The following PRKCA variants were observed in gnomAD, a reference collection of about 807,000 sequenced individuals.
The protein encoded by PRKCA is protein kinase C alpha, also known as protein kinase C alpha type.
In PRKCA, 27 loss-of-function variants were observed where a neutral mutation model predicts 87.0. That is an observed-to-expected ratio of 0.31 (90% CI 0.23 to 0.43). The LOEUF is 0.43. Ranked by LOEUF, PRKCA falls within the 20% of genes least tolerant of loss-of-function variation. The pLI, the probability that PRKCA is intolerant of heterozygous loss-of-function variation, is 1.00. For synonymous variants in PRKCA, 329 were observed against 311.1 expected (o/e 1.06, Z -0.61); for missense variants, 518 against 852.3 (o/e 0.61, Z 4.88).
intron 14 of PRKCA, among the ~76,000 whole-genome samples, chr17:66,779,609 A>G (rs1341607562): frequency 1.3e-5 from 2 of 152,034 alleles, no homozygotes; most frequent in Non-Finnish European, 2.9e-5. Context: ...CTCCATGACC[A>G]CTTCCTAGCT....
intron 3 of PRKCA, among the ~76,000 whole-genome samples, chr17:66,580,944 C>T (rs9909524): frequency 0.033 from 4,964 of 151,332 alleles, 296 homozygotes; most frequent in African/African-American, 0.11. Flanking sequence ...CCCCCATGCT[C>T]GATTTATCCC....
At chr17:66,790,709 G>C (rs958780522) in intron 16 of PRKCA, among the ~76,000 whole-genome samples, 1 of 152,176 alleles carries the variant, frequency 6.6e-6, no homozygotes, top group Non-Finnish European at 1.5e-5. Flanking sequence ...AGAAAGCGAT[G>C]AGTTGCAGCA....
At chr17:66,702,428 T>C (rs913826056) in intron 8 of PRKCA, among the ~76,000 whole-genome samples, 9 of 152,108 alleles carry the variant, frequency 5.9e-5, no homozygotes, top group African/African-American at 2.2e-4. Context: ...TTGAGCAGGG[T>C]GTTGGAGGAA....
intron 8 of PRKCA, among the ~76,000 whole-genome samples, chr17:66,705,898 C>T (rs1017496399): frequency 1.3e-5 from 2 of 152,120 alleles, no homozygotes; most frequent in African/African-American, 4.8e-5. Flanking sequence ...AAACATAATG[C>T]TATTTGTTGT....
chr17:66,554,260 A>G (rs558014485), intron 3 of PRKCA, among the ~76,000 whole-genome samples: 32 of 151,240 alleles, frequency 2.1e-4, no homozygotes, highest in Non-Finnish European at 4.1e-4. Context: ...AAAACGAGAG[A>G]AAAAAAGTTA....
chr17:66,761,368 CA>C (rs796715547), intron 13 of PRKCA, among the ~76,000 whole-genome samples: 143 of 134,136 alleles, frequency 1.1e-3, no homozygotes, highest in South Asian at 2.0e-3. Context: ...GACTCCGTCT[CA>C]AAAAAAAAAA....
At position 66,784,839 on chromosome 17, in the gene PRKCA, G is replaced by T. The variant is rs147360639; in HGVS notation, c.1606-2028G>T. ...GCTGTCCCTGCTGACACAGGTGGCCGTCGGCAGCCTGCACCCCCTGGTGGG... is the reference window on the plus strand; with the variant it reads ...GCTGTCCCTGCTGACACAGGTGGCCTTCGGCAGCCTGCACCCCCTGGTGGG... On this transcript the variant is annotated intron_variant, in intron 14 of 16. Transcript: ENST00000413366. Among the ~76,000 whole-genome samples the T allele has an allele frequency of 7.1e-3, 1,079 of 152,216 alleles. 8 individuals carry two copies. The highest frequency in any genetic ancestry group is 9.8e-3 in the Non-Finnish European group (668 of 68,016).
At chr17:66,541,306 C>T (rs1967979809) in intron 3 of PRKCA, among the ~76,000 whole-genome samples, 1 of 152,128 alleles carries the variant, frequency 6.6e-6, no homozygotes, top group African/African-American at 2.4e-5. Context: ...CGTGCTCCTG[C>T]GGCCCCCACC....
intron 16 of PRKCA, among the ~76,000 whole-genome samples, chr17:66,800,838 A>G (rs760619741): frequency 6.6e-6 from 1 of 152,226 alleles, no homozygotes; most frequent in Non-Finnish European, 1.5e-5. Flanking sequence ...TGCTTTGCTC[A>G]TCCTTTTAGG....
At position 66,402,554 on chromosome 17, in the gene PRKCA, A is replaced by G. The variant is rs548245890; in HGVS notation, c.206-93647A>G. Among the ~76,000 whole-genome samples the G allele has an allele frequency of 3.3e-5, 5 of 152,266 alleles. No individual in the cohort carries two copies. In the South Asian group the frequency reaches 1.0e-3, roughly 32 times the overall value. On this transcript the variant is annotated intron_variant, in intron 2 of 16. Transcript: ENST00000413366. ...ACCTACATCCAACAGCTGTATATCA[A>G]AGAGCTCATCAAATCCATCCAACAA...
intron 2 of PRKCA, among the ~76,000 whole-genome samples, chr17:66,426,815 G>A (rs2143815358): frequency 6.6e-6 from 1 of 152,288 alleles, no homozygotes; most frequent in Middle Eastern, 3.4e-3. Flanking sequence ...GCTGGATGTT[G>A]CCATGCGTGC....
At chr17:66,667,953 C>T (rs193090568) in intron 5 of PRKCA, among the ~76,000 whole-genome samples, 5 of 152,318 alleles carry the variant, frequency 3.3e-5, no homozygotes, top group South Asian at 2.1e-4. Flanking sequence ...CAGAAACCCA[C>T]GATCAAGACT....
In PRKCA at chr17:66,365,805, G is replaced by C. The variant is rs1222476471; in HGVS notation, c.205+59678G>C. On this transcript the variant is annotated intron_variant, in intron 2 of 16. Coordinates refer to ENST00000413366, the MANE Select transcript of PRKCA (RefSeq NM_002737.3). ...CAGAAGTATTAAACGCATGCCAAAGGCTCACATAAATGATTTATTATGCAC... is the reference window on the plus strand; with the variant it reads ...CAGAAGTATTAAACGCATGCCAAAGCCTCACATAAATGATTTATTATGCAC... Among the ~76,000 whole-genome samples, 3 of 152,100 alleles carry C rather than the reference G, an allele frequency of 2.0e-5. No homozygotes were observed. In the East Asian group the frequency reaches 5.8e-4, roughly 29 times the overall value.
At chr17:66,376,381 G>A (rs2143562484) in intron 2 of PRKCA, among the ~76,000 whole-genome samples, 1 of 152,336 alleles carries the variant, frequency 6.6e-6, no homozygotes, top group East Asian at 1.9e-4. Flanking sequence ...ACCAAGGCGG[G>A]TGGATCACCT....
chr17:66,569,207 G>A (rs768201010), intron 3 of PRKCA, among the ~76,000 whole-genome samples: 1 of 152,150 alleles, frequency 6.6e-6, no homozygotes. Flanking sequence ...ATCAAAGAAT[G>A]AAAGGTAGAC....
At chr17:66,455,358 G>C (rs149010468) in intron 2 of PRKCA, among the ~76,000 whole-genome samples, 523 of 152,270 alleles carry the variant, frequency 3.4e-3, no homozygotes, top group Middle Eastern at 0.02. Context: ...AAATTGCCAG[G>C]AGTGCTGAGT....
At chr17:66,442,208 C>G (rs1312473933) in intron 2 of PRKCA, among the ~76,000 whole-genome samples, 1 of 150,910 alleles carries the variant, frequency 6.6e-6, no homozygotes, top group African/African-American at 2.5e-5. Flanking sequence ...GCTACAGGTG[C>G]CTGCCATGCC....
At chr17:66,575,203 A>G (rs534248005) in intron 3 of PRKCA, among the ~76,000 whole-genome samples, 31 of 152,352 alleles carry the variant, frequency 2.0e-4, no homozygotes, top group African/African-American at 6.0e-4. Context: ...TCTGCTGGAC[A>G]AAGGGATGAT....
At chr17:66,548,670 T>C (rs1968225387) in intron 3 of PRKCA, among the ~76,000 whole-genome samples, 1 of 152,150 alleles carries the variant, frequency 6.6e-6, no homozygotes, top group African/African-American at 2.4e-5. Context: ...TCCTGGACTA[T>C]CTGCATGGGC....
Sources: gnomAD v4.1 joint callset for allele counts (sites outside exome capture counted in the v4.1 genomes callset) on GRCh38, gnomAD v4.1.1 for gene constraint, MANE v1.5 for transcripts, NCBI Gene and HGNC (gene_info 2026-07-23, HGNC 2026-07-21) for gene names.